The following TRIM67 variants were observed in gnomAD, a reference collection of about 807,000 sequenced individuals.
TRIM67 encodes tripartite motif containing 67.
TRIM67 carries 39 observed loss-of-function variants against 71.0 expected under a neutral mutation model. The ratio of observed to expected loss-of-function variants is 0.55; its 90% CI spans 0.43 to 0.72. The LOEUF (loss-of-function observed/expected upper bound fraction) is 0.72, where lower values mean the gene tolerates loss of function less well. Ranked by LOEUF, TRIM67 falls within the 30% of genes least tolerant of loss-of-function variation. The pLI is 0.00. For synonymous variants in TRIM67, 481 were observed against 473.9 expected, an observed-to-expected ratio of 1.01 and a Z score of -0.19; for missense variants, 973 against 1,079.2, an observed-to-expected ratio of 0.90 and a Z score of 1.38.
At chr1:231,166,757 T>C (rs552317970) in intron 1 of TRIM67, among the ~76,000 whole-genome samples, 1 of 152,328 alleles carries the variant, frequency 6.6e-6, no homozygotes, top group Admixed American at 6.5e-5. Flanking sequence ...TGAAATCTAT[T>C]TTAAAATAAG....
chr1:231,197,746 A>G (rs1430723344), intron 2 of TRIM67, among the ~76,000 whole-genome samples: 1 of 152,114 alleles, frequency 6.6e-6, no homozygotes, highest in Non-Finnish European at 1.5e-5. Flanking sequence ...AATCACTTGA[A>G]CCTGGGAGGC....
At position 231,163,747 on chromosome 1, in the gene TRIM67, C is replaced by T. The variant is rs941586963; in HGVS notation, c.778C>T (p.Pro260Ser). The T allele has an allele frequency of 6.7e-7, 1 of 1,493,258 alleles. No homozygotes were observed. Among genetic ancestry groups the T allele is most frequent in the African/African-American group, 1.5e-5 (1 of 68,438 alleles). The allele number at this position is 1,493,258 out of a possible 1,614,324, so 92.5% of individuals were successfully genotyped here. A position where few individuals can be genotyped will look rare whatever the true frequency, so the allele number is the denominator to read the frequency against. ...LVQPPPPPPP[P>S]AEAASGPTGT... The stretch of plus-strand genomic sequence containing the variant: ...GCAGCCGCCGCCGCCGCCGCCGCCG[C>T]CCGCCGAGGCAGCCTCCGGGCCCAC... Residue 260 changes from proline (P) to serine (S), a missense_variant, in exon 1 of 10, where the codon CCC becomes TCC. By Grantham distance (74) the Pro-to-Ser change is moderately conservative. Coordinates refer to ENST00000366653, the MANE Select transcript of TRIM67 (RefSeq NM_001004342.5).
intron 1 of TRIM67, among the ~76,000 whole-genome samples, chr1:231,169,788 T>C (rs1682576394): frequency 1.3e-5 from 2 of 152,086 alleles, no homozygotes; most frequent in African/African-American, 2.4e-5. Context: ...TAAGAACCAA[T>C]GGCAAATCTG....
intron 1 of TRIM67, among the ~76,000 whole-genome samples, chr1:231,167,216 C>T (rs1388558096): frequency 1.3e-5 from 2 of 151,764 alleles, no homozygotes. Context: ...CTCACTGATA[C>T]TCCAGGAGTA....
At chr1:231,204,829 T>C (rs143639181) in intron 6 of TRIM67, among the ~76,000 whole-genome samples, 155 of 152,376 alleles carry the variant, frequency 1.0e-3, no homozygotes, top group African/African-American at 3.5e-3. Flanking sequence ...AACATTCCCT[T>C]AGTTTCTCTC....
At chr1:231,197,533 A>C in intron 2 of TRIM67, 67 bp downstream of exon 2, 1 of 1,498,056 alleles carries the variant, frequency 6.7e-7, no homozygotes, top group Non-Finnish European at 9.3e-7. Context: ...GCATCGTATT[A>C]AGAAGAAAGA....
rs1254085042 is a variant in TRIM67, at chr1:231,217,796, C to T, written c.*2356C>T. 7.8e-7 allele frequency: 1 copy of T among 1,288,712 alleles called. No homozygotes were observed. The highest frequency in any genetic ancestry group is 1.0e-6 in the Non-Finnish European group (1 of 988,470). The allele number at this position is 1,288,712 out of a possible 1,614,324, so 79.8% of individuals were successfully genotyped here. On this transcript the variant is annotated 3_prime_UTR_variant, in exon 10 of 10. Coordinates refer to ENST00000366653, the MANE Select transcript of TRIM67 (RefSeq NM_001004342.5). Reference sequence around the variant, plus strand: ...TTGCCTGGGGCTACCCTGAACCTAACCCCTTTGAGGGAGCAGCATCCAGGT... The same window carrying T: ...TTGCCTGGGGCTACCCTGAACCTAATCCCTTTGAGGGAGCAGCATCCAGGT...
intron 8 of TRIM67, 102 bp from the exon 9 acceptor site, chr1:231,213,713 A>G: frequency 1.5e-6 from 2 of 1,378,412 alleles, no homozygotes; most frequent in Non-Finnish European, 9.8e-7. Flanking sequence ...CCTGGGTGAC[A>G]GAGTGAGACC....
intron 1 of TRIM67, among the ~76,000 whole-genome samples, chr1:231,193,339 T>C (rs1001302802): frequency 6.6e-6 from 1 of 152,198 alleles, no homozygotes; most frequent in Non-Finnish European, 1.5e-5. Flanking sequence ...AACTGAATGT[T>C]TGTGTCCCTT....
In TRIM67 at chr1:231,180,957, T is replaced by G. The variant is rs28393009; in HGVS notation, c.1045-16414T>G. Among the ~76,000 whole-genome samples the G allele has an allele frequency of 4.0e-3, 379 of 94,978 alleles. 3 individuals carry two copies. Among genetic ancestry groups the G allele is most frequent in the African/African-American group, 0.012 (353 of 29,684 alleles). 62.3% of individuals were successfully genotyped at this position (94,978 alleles called of 152,430 possible). On this transcript the variant is annotated intron_variant, in intron 1 of 9. Transcript: ENST00000366653. The stretch of plus-strand genomic sequence containing the variant: ...AGTGCCACCTCTCAGGAGAAGGTTT[T>G]TTTGTTTGTTTGTTTGTTTGTTTGT...
chr1:231,200,178 T>C lies in TRIM67; in HGVS notation c.1294T>C (p.Leu432=), dbSNP rs368997612. Reference sequence around the variant, plus strand: ...TTGGGACCAGATCAATCACTGCACATTGAAGCTGCGTCAGTCCACCGGACT... The same window carrying C: ...TTGGGACCAGATCAATCACTGCACACTGAAGCTGCGTCAGTCCACCGGACT... ...MVWDQINHCT[L]KLRQSTGLME... is the part of the protein sequence containing the mutation. The change falls in exon 4 of 10, where the codon TTG becomes CTG. Residue 432 remains leucine, a synonymous_variant. Coordinates refer to ENST00000366653, the MANE Select transcript of TRIM67 (RefSeq NM_001004342.5). 13 of 1,613,766 alleles carry C rather than the reference T, an allele frequency of 8.1e-6. No homozygotes were observed. Among genetic ancestry groups the C allele is most frequent in the African/African-American group, 5.3e-5 (4 of 74,902 alleles).
chr1:231,193,443 C>A (rs1409896906), intron 1 of TRIM67, among the ~76,000 whole-genome samples: 1 of 149,930 alleles, frequency 6.7e-6, no homozygotes, highest in South Asian at 2.1e-4. Flanking sequence ...GCTCACAGCC[C>A]CCTCTGATAG....
At chr1:231,166,588 C>T (rs1682472318) in intron 1 of TRIM67, among the ~76,000 whole-genome samples, 1 of 152,152 alleles carries the variant, frequency 6.6e-6, no homozygotes, top group Non-Finnish European at 1.5e-5. Flanking sequence ...GACAAGGCCT[C>T]ATTGCATCAC....
At position 231,215,961 on chromosome 1, in the gene TRIM67, A is replaced by C. The variant is rs1337982557; in HGVS notation, c.*521A>C. 2.0e-6 allele frequency: 2 copies of C among 986,338 alleles called. No homozygotes were observed. The highest frequency in any genetic ancestry group is 3.5e-5 in the African/African-American group (2 of 57,274). The allele number at this position is 986,338 out of a possible 1,614,324, so 61.1% of individuals were successfully genotyped here. A position where few individuals can be genotyped will look rare whatever the true frequency, so the allele number is the denominator to read the frequency against. ...TTATCTTTTAGCTTCTTGGTCCTAG[A>C]GTCTTTAGTAGCACCTGCCACTTGC... is the stretch of plus-strand genomic sequence containing the variant. On this transcript the variant is annotated 3_prime_UTR_variant, in exon 10 of 10. Coordinates refer to ENST00000366653, the MANE Select transcript of TRIM67 (RefSeq NM_001004342.5).
intron 1 of TRIM67, among the ~76,000 whole-genome samples, chr1:231,190,355 C>T (rs901240041): frequency 6.6e-6 from 1 of 152,182 alleles, no homozygotes; most frequent in Non-Finnish European, 1.5e-5. Context: ...AGCTCTCCTC[C>T]TTACTGGCTT....
intron 8 of TRIM67, among the ~76,000 whole-genome samples, chr1:231,213,195 A>G (rs906590699): frequency 1.2e-4 from 19 of 152,110 alleles, no homozygotes; most frequent in African/African-American, 3.6e-4. Context: ...CCCATTCTCC[A>G]TGCTCCACAG....
intron 4 of TRIM67, among the ~76,000 whole-genome samples, chr1:231,200,773 T>G (rs2102749675): frequency 6.6e-6 from 1 of 152,270 alleles, no homozygotes; most frequent in Non-Finnish European, 1.5e-5. Flanking sequence ...CCTTTGATTA[T>G]TTCCCAAGAA....
intron 9 of TRIM67, 111 bp from the exon 10 acceptor site, chr1:231,215,264 G>A (rs920887487): frequency 6.9e-7 from 1 of 1,444,562 alleles, no homozygotes; most frequent in Non-Finnish European, 9.2e-7. Flanking sequence ...CTATTGCATG[G>A]ATGGCCCTGG....
At chr1:231,204,134 A>C in intron 6 of TRIM67, 122 bp downstream of exon 6, 1 of 1,415,402 alleles carries the variant, frequency 7.1e-7, no homozygotes, top group Non-Finnish European at 9.5e-7. Context: ...CTGAGGGGAC[A>C]CTGGCCAAAA....
Sources: gnomAD v4.1 joint callset for allele counts (sites outside exome capture counted in the v4.1 genomes callset) on GRCh38, gnomAD v4.1.1 for gene constraint, MANE v1.5 for transcripts, NCBI Gene and HGNC (gene_info 2026-07-23, HGNC 2026-07-21) for gene names.